Variants in DSE observed in about 807,000 individuals in gnomAD.
DSE encodes dermatan-sulfate epimerase.
Under a neutral mutation model 84.4 loss-of-function variants are expected in DSE, and 36 were observed. That is an observed-to-expected ratio of 0.43 (90% CI 0.33 to 0.56). DSE has a LOEUF of 0.56. Among genes scored for constraint, DSE ranks in the 20% least tolerant of loss-of-function variants. The pLI is 0.06. For synonymous variants in DSE, 410 were observed against 430.1 expected (o/e 0.95, Z 0.58); for missense variants, 862 against 1,169.6 (o/e 0.74, Z 3.84).
intron 1 of DSE, among the ~76,000 whole-genome samples, chr6:116,385,099 G>C (rs551891817): frequency 2.6e-5 from 4 of 152,268 alleles, no homozygotes; most frequent in African/African-American, 9.6e-5. Flanking sequence ...AAATGTGCAG[G>C]CGCTGAGGAG....
chr6:116,418,932 A>G (rs1782899276), intron 2 of DSE, among the ~76,000 whole-genome samples: 3 of 152,224 alleles, frequency 2.0e-5, no homozygotes, highest in Admixed American at 6.5e-5. Flanking sequence ...ATGAAATGAC[A>G]CAATGTACTT....
chr6:116,365,269 T>TG lies in DSE; in HGVS notation c.-53-33922dup, dbSNP rs547722266. On this transcript the variant is annotated intron_variant, in intron 2 of 3. Transcript: ENST00000430252. ...TGGGGCATCGGAAGTTCTTTTTTTG[T>TG]GGGGGGGATGGAGTCTTGCTCTATC... Among the ~76,000 whole-genome samples, 5 of 152,052 alleles carry TG rather than the reference T, an allele frequency of 3.3e-5. No homozygotes were observed. The South Asian group carries it at 8.3e-4, about 25-fold the overall frequency.
chr6:116,437,161 C>G lies in DSE; in HGVS notation c.2693C>G (p.Ala898Gly), dbSNP rs1297941039. ...CACAGCAGGGCCCCATCACTGTCTGCTTCCTATACCAGGTTGTTCCTGATT... is the reference window on the plus strand; with the variant it reads ...CACAGCAGGGCCCCATCACTGTCTGGTTCCTATACCAGGTTGTTCCTGATT... ...TTHSRAPSLS[A>G]SYTRLFLILN... Residue 898 changes from alanine (A) to glycine (G), a missense_variant, in exon 6 of 6, where the codon GCT becomes GGT. By Grantham distance (60) the Ala-to-Gly change is moderately conservative. Transcript: ENST00000644252. The G allele has an allele frequency of 7.4e-6, 12 of 1,614,034 alleles. No individual in the cohort carries two copies. The highest frequency in any genetic ancestry group is 1.0e-5 in the Non-Finnish European group (12 of 1,180,016).
chr6:116,338,175 C>CTTTCTT (rs1245505634), intron 2 of DSE, among the ~76,000 whole-genome samples: 1 of 122,870 alleles, frequency 8.1e-6, no homozygotes, highest in Non-Finnish European at 1.7e-5. Context: ...CTGTCTCTTT[C>CTTTCTT]TCTTTCTTTC....
At chr6:116,288,212 A>G (rs1022649647) in intron 2 of DSE, 1 of 152,100 alleles carries the variant, frequency 6.6e-6, no homozygotes, top group Non-Finnish European at 1.5e-5. Context: ...CATAGGTAAA[A>G]TGGAGATTAT....
At chr6:116,332,565 T>G (rs1562235718) in intron 2 of DSE, among the ~76,000 whole-genome samples, 1 of 152,282 alleles carries the variant, frequency 6.6e-6, no homozygotes, top group Admixed American at 6.5e-5. Context: ...TAGTACAGTA[T>G]TGGGGTAAGA....
chr6:116,342,803 G>A (rs997995566), intron 2 of DSE, among the ~76,000 whole-genome samples: 1 of 152,180 alleles, frequency 6.6e-6, no homozygotes, highest in African/African-American at 2.4e-5. Context: ...CATCTCACTG[G>A]GGCTTGTTGG....
In DSE at chr6:116,263,222, G is replaced by A. The variant is rs545687205; in HGVS notation, c.-54+4255G>A. Among the ~76,000 whole-genome samples the A allele has an allele frequency of 1.5e-3, 225 of 152,224 alleles. 1 individual carries two copies. Among genetic ancestry groups the A allele is most frequent in the African/African-American group, 5.2e-3 (214 of 41,534 alleles). ...TGTCAGTGGTGTGTTAAAGTCTCCC[G>A]CTATTAATGTGTAGGAGTCTACGTC... On this transcript the variant is annotated intron_variant, in intron 2 of 3. Transcript: ENST00000430252.
chr6:116,436,845 A>T lies in DSE; in HGVS notation c.2377A>T (p.Ile793Phe), dbSNP rs1164397565. The T allele has an allele frequency of 7.4e-6, 12 of 1,614,118 alleles. No individual in the cohort carries two copies. Among genetic ancestry groups the T allele is most frequent in the Non-Finnish European group, 1.0e-5 (12 of 1,180,010 alleles). Reference protein sequence around the residue: ...KRQTEEAIDRIFAISQQQQQQ... With the variant: ...KRQTEEAIDRFFAISQQQQQQ... ...ACAGACTGAGGAGGCCATTGACAGG[A>T]TTTTTGCCATATCACAGCAACAGCA... Residue 793 changes from isoleucine (I) to phenylalanine (F), a missense_variant, in exon 6 of 6, where the codon ATT becomes TTT. Ile to Phe is a conservative substitution (Grantham distance 21). Coordinates refer to ENST00000644252, the MANE Select transcript of DSE (RefSeq NM_013352.4).
intron 2 of DSE, among the ~76,000 whole-genome samples, chr6:116,361,868 T>C (rs1222134172): frequency 6.6e-6 from 1 of 152,200 alleles, no homozygotes; most frequent in Non-Finnish European, 1.5e-5. Flanking sequence ...AACTGATTAA[T>C]GAAAAGGGAC....
At chr6:116,333,584 T>C (rs1777077334) in intron 2 of DSE, among the ~76,000 whole-genome samples, 1 of 152,162 alleles carries the variant, frequency 6.6e-6, no homozygotes, top group Admixed American at 6.5e-5. Context: ...TCAACTGATC[T>C]TTATGGTATG....
intron 2 of DSE, among the ~76,000 whole-genome samples, chr6:116,420,148 A>G (rs1782976970): frequency 6.6e-6 from 1 of 152,188 alleles, no homozygotes; most frequent in African/African-American, 2.4e-5. Context: ...TTAAATAAGT[A>G]TGAGTGATCT....
intron 2 of DSE, among the ~76,000 whole-genome samples, chr6:116,352,632 G>T (rs934933545): frequency 1.3e-5 from 2 of 152,076 alleles, no homozygotes; most frequent in Non-Finnish European, 2.9e-5. Context: ...CAGGAACTTT[G>T]GGATGCTTTT....
intron 1 of DSE, among the ~76,000 whole-genome samples, chr6:116,393,253 A>G (rs1484610280): frequency 6.6e-6 from 1 of 152,150 alleles, no homozygotes; most frequent in Non-Finnish European, 1.5e-5. Context: ...TCTAACAAAC[A>G]CTTGAAAAAT....
At chr6:116,330,666 T>C (rs773085883) in intron 2 of DSE, among the ~76,000 whole-genome samples, 2 of 152,106 alleles carry the variant, frequency 1.3e-5, no homozygotes, top group Non-Finnish European at 2.9e-5. Flanking sequence ...CATGATGAAA[T>C]AGAAATTATG....
chr6:116,371,060 G>C lies in DSE; in HGVS notation c.-115G>C. On this transcript the variant is annotated 5_prime_UTR_variant, in exon 1 of 6. Transcript: ENST00000644252. ...CGGGCGCCCTGGAGTGAGGAGGACC[G>C]GGAGCTGGCTCTGGAGGCTGCGGAG... 1 of 986,092 alleles carries C rather than the reference G, an allele frequency of 1.0e-6. No individual in the cohort carries two copies. The highest frequency in any genetic ancestry group is 1.2e-6 in the Non-Finnish European group (1 of 830,514). The allele number at this position is 986,092 out of a possible 1,614,324, so 61.1% of individuals were successfully genotyped here.
chr6:116,300,683 C>T (rs896813828), intron 2 of DSE, among the ~76,000 whole-genome samples: 2 of 152,186 alleles, frequency 1.3e-5, no homozygotes, highest in Admixed American at 1.3e-4. Flanking sequence ...AACTATTGTC[C>T]TTCCCCCCTT....
At chr6:116,311,234 G>A (rs1263071990) in intron 2 of DSE, among the ~76,000 whole-genome samples, 2 of 152,106 alleles carry the variant, frequency 1.3e-5, no homozygotes, top group East Asian at 1.9e-4. Context: ...TACAGCATTT[G>A]TCACAATCCA....
chr6:116,279,847 C>A (rs1454553238), intron 2 of DSE: 2 of 1,613,058 alleles, frequency 1.2e-6, no homozygotes, highest in Non-Finnish European at 8.5e-7. Context: ...AACAGTCGGA[C>A]CAACCGCAGG....
Sources: gnomAD v4.1 joint callset for allele counts (sites outside exome capture counted in the v4.1 genomes callset) on GRCh38, gnomAD v4.1.1 for gene constraint, MANE v1.5 for transcripts, NCBI Gene and HGNC (gene_info 2026-07-23, HGNC 2026-07-21) for gene names.